TENT5D: variants seen among roughly 807,000 people sequenced by gnomAD.
TENT5D encodes terminal nucleotidyltransferase 5D.
For synonymous variants in TENT5D, 103 were observed against 100.6 expected (o/e 1.02, Z -0.15); for missense variants, 191 against 287.0 (o/e 0.67, Z 2.42).
intron 2 of TENT5D, among the ~76,000 whole-genome samples, chrX:80,341,954 G>A (rs1471626396): frequency 2.8e-5 from 3 of 108,507 alleles, no homozygotes; most frequent in African/African-American, 1.0e-4. Flanking sequence ...CTCGTGATCC[G>A]CCCGCCTCGG....
intron 3 of TENT5D, among the ~76,000 whole-genome samples, chrX:80,403,898 A>G (rs1931434339): frequency 8.9e-6 from 1 of 112,092 alleles, no homozygotes; most frequent in Non-Finnish European, 1.9e-5. Flanking sequence ...CATGTGCCCA[A>G]GGTGGTCAGG....
At chrX:80,386,135 G>A (rs1930997872) in intron 3 of TENT5D, among the ~76,000 whole-genome samples, 2 of 112,153 alleles carry the variant, frequency 1.8e-5, no homozygotes, top group African/African-American at 6.5e-5. Context: ...TATATTTATT[G>A]CAGCACTATT....
At chrX:80,385,747 C>G (rs1052926383) in intron 3 of TENT5D, among the ~76,000 whole-genome samples, 2 of 112,136 alleles carry the variant, frequency 1.8e-5, no homozygotes, top group Non-Finnish European at 3.8e-5. Context: ...ACAACCCCAT[C>G]AACAAGTGGG....
intron 2 of TENT5D, among the ~76,000 whole-genome samples, chrX:80,341,623 A>G (rs1240794968): frequency 9.0e-6 from 1 of 111,694 alleles, no homozygotes; most frequent in East Asian, 2.8e-4. Flanking sequence ...CTAGGTTGGT[A>G]GTATGCTTTC....
chrX:80,434,414 A>G (rs1255168402), intron 1 of TENT5D, among the ~76,000 whole-genome samples: 7 of 111,501 alleles, frequency 6.3e-5, no homozygotes, highest in Non-Finnish European at 1.1e-4. Context: ...CCCAATATAT[A>G]GTAGTTAAAA....
intron 1 of TENT5D, among the ~76,000 whole-genome samples, chrX:80,435,140 A>G (rs1314721370): frequency 8.9e-6 from 1 of 111,738 alleles, no homozygotes; most frequent in Non-Finnish European, 1.9e-5. Flanking sequence ...AACATCCACA[A>G]TGTATTACAG....
At chrX:80,399,696 C>T (rs1931354718) in intron 3 of TENT5D, among the ~76,000 whole-genome samples, 1 of 112,680 alleles carries the variant, frequency 8.9e-6, no homozygotes, top group Non-Finnish European at 1.9e-5. Flanking sequence ...CAACACAACA[C>T]TGTATAGGCC....
upstream of TENT5D, among the ~76,000 whole-genome samples, chrX:80,419,271 T>C (rs1476532163): frequency 1.8e-5 from 2 of 112,159 alleles, no homozygotes; most frequent in African/African-American, 3.2e-5. Flanking sequence ...ACGTATATTT[T>C]TCTTTAAAAT....
chrX:80,418,210 G>A (rs1303441538), upstream of TENT5D, among the ~76,000 whole-genome samples: 1 of 109,512 alleles, frequency 9.1e-6, no homozygotes, highest in East Asian at 2.9e-4. Flanking sequence ...AGTGCAGTGG[G>A]GCAGTCATGC....
chrX:80,383,519 C>T (rs780442435), intron 3 of TENT5D, among the ~76,000 whole-genome samples: 1 of 112,275 alleles, frequency 8.9e-6, no homozygotes, highest in East Asian at 2.8e-4. Flanking sequence ...ATCATTTGTC[C>T]TCCAAATAAA....
intron 3 of TENT5D, among the ~76,000 whole-genome samples, chrX:80,372,550 A>G (rs1031339066): frequency 3.6e-5 from 4 of 111,044 alleles, no homozygotes; most frequent in Non-Finnish European, 7.5e-5. Flanking sequence ...ATGATTGCAT[A>G]TGTAATGTTG....
chrX:80,412,769 C>T (rs1429649428), intron 3 of TENT5D, among the ~76,000 whole-genome samples: 3 of 110,887 alleles, frequency 2.7e-5, no homozygotes, highest in Admixed American at 1.9e-4. Context: ...GCATTTTTGT[C>T]ATAATTAATT....
chrX:80,371,131 C>G (rs1215717436), intron 3 of TENT5D, among the ~76,000 whole-genome samples: 1 of 111,768 alleles, frequency 8.9e-6, no homozygotes, highest in Non-Finnish European at 1.9e-5. Flanking sequence ...GAGAGACTTT[C>G]TCAAAGTATG....
intron 3 of TENT5D, among the ~76,000 whole-genome samples, chrX:80,363,597 A>G (rs1322648534): frequency 8.9e-6 from 1 of 112,092 alleles, no homozygotes; most frequent in African/African-American, 3.2e-5. Flanking sequence ...ATGTGCCGTA[A>G]AGTTCGAAAC....
At chrX:80,400,212 G>A (rs1005643457) in intron 3 of TENT5D, among the ~76,000 whole-genome samples, 2 of 111,707 alleles carry the variant, frequency 1.8e-5, no homozygotes, top group Admixed American at 9.5e-5. Context: ...GAGTTCTGAT[G>A]TCCAAGGCAG....
chrX:80,369,480 C>T (rs1930576814), intron 3 of TENT5D, among the ~76,000 whole-genome samples: 1 of 111,611 alleles, frequency 9.0e-6, no homozygotes, highest in Admixed American at 9.6e-5. Flanking sequence ...AGATCCCTAA[C>T]ATTTGAAATG....
At chrX:80,406,296 T>C (rs1220160356) in intron 3 of TENT5D, among the ~76,000 whole-genome samples, 1 of 109,888 alleles carries the variant, frequency 9.1e-6, no homozygotes, top group East Asian at 2.9e-4. Context: ...ACAATCAAAT[T>C]ACTCTGAGCT....
chrX:80,425,888 A>G lies in TENT5D; in HGVS notation c.-142+5325A>G, dbSNP rs369125947. On this transcript the variant is annotated intron_variant, in intron 1 of 2. Coordinates refer to ENST00000308293, the Ensembl canonical transcript of TENT5D. ...CTAAAAATACAAAAATTAGCTGAGCATGGTGGTGGGCACCTGTAATTCCAG... is the reference window on the plus strand; with the variant it reads ...CTAAAAATACAAAAATTAGCTGAGCGTGGTGGTGGGCACCTGTAATTCCAG... Among the ~76,000 whole-genome samples, 241 of 110,533 alleles carry G rather than the reference A, an allele frequency of 2.2e-3. 1 individual carries two copies. The highest frequency in any genetic ancestry group is 7.6e-3 in the African/African-American group (232 of 30,439).
At chrX:80,359,860 A>T (rs1245474312) in intron 3 of TENT5D, among the ~76,000 whole-genome samples, 2 of 111,727 alleles carry the variant, frequency 1.8e-5, no homozygotes, top group African/African-American at 3.3e-5. Context: ...GTTAAATCCT[A>T]ACTGGGAGAT....
Sources: gnomAD v4.1 joint callset for allele counts (sites outside exome capture counted in the v4.1 genomes callset) on GRCh38, gnomAD v4.1.1 for gene constraint, MANE v1.5 for transcripts, NCBI Gene and HGNC (gene_info 2026-07-23, HGNC 2026-07-21) for gene names.